Variants in FARS2 observed in about 807,000 individuals in gnomAD.
FARS2 encodes phenylalanine--tRNA ligase, mitochondrial.
Under a neutral mutation model 46.4 loss-of-function variants are expected in FARS2, and 40 were observed. The observed-to-expected ratio is 0.86, with a 90% CI of 0.67 to 1.12. The LOEUF (loss-of-function observed/expected upper bound fraction) is 1.12, where lower values mean the gene tolerates loss of function less well. Among genes scored for constraint, FARS2 ranks in the 50% most tolerant of loss-of-function variants. FARS2 has a pLI of 0.00. For synonymous variants in FARS2, 234 were observed against 214.9 expected (o/e 1.09, Z -0.78); for missense variants, 513 against 567.9 (o/e 0.90, Z 0.98).
At chr6:5,542,045 G>A (rs945503496) in intron 4 of FARS2, among the ~76,000 whole-genome samples, 1 of 152,198 alleles carries the variant, frequency 6.6e-6, no homozygotes, top group Non-Finnish European at 1.5e-5. Context: ...CAGCAATGAG[G>A]AGGACCACAG....
chr6:5,425,265 A>G (rs1385539646), intron 3 of FARS2, among the ~76,000 whole-genome samples: 1 of 152,192 alleles, frequency 6.6e-6, no homozygotes, highest in Non-Finnish European at 1.5e-5. Context: ...ATCTTTCAAA[A>G]TTTAGATTCT....
chr6:5,734,683 G>A (rs1760842810), intron 6 of FARS2, among the ~76,000 whole-genome samples: 1 of 152,086 alleles, frequency 6.6e-6, no homozygotes. Flanking sequence ...TTTGATATAG[G>A]CATTATATTA....
intron 6 of FARS2, among the ~76,000 whole-genome samples, chr6:5,723,956 C>G (rs2150924876): frequency 8.0e-6 from 1 of 125,486 alleles, no homozygotes; most frequent in East Asian, 2.1e-4. Flanking sequence ...GAGGAAACAC[C>G]CTGCAGAGCG....
At chr6:5,699,120 C>G (rs1758271126) in intron 6 of FARS2, among the ~76,000 whole-genome samples, 2 of 152,186 alleles carry the variant, frequency 1.3e-5, no homozygotes, top group Admixed American at 6.5e-5. Context: ...CAAGCCCACC[C>G]CATAGCAACA....
intron 2 of FARS2, among the ~76,000 whole-genome samples, chr6:5,389,442 C>T (rs1014758944): frequency 2.0e-5 from 3 of 152,138 alleles, no homozygotes; most frequent in Non-Finnish European, 4.4e-5. Flanking sequence ...TCTACTGAAA[C>T]GATTTTGTTT....
At chr6:5,462,445 T>A (rs1438984278) in intron 4 of FARS2, among the ~76,000 whole-genome samples, 1 of 152,212 alleles carries the variant, frequency 6.6e-6, no homozygotes, top group Admixed American at 6.5e-5. Context: ...GTGTTGTACC[T>A]AAGAACTATT....
intron 1 of FARS2, among the ~76,000 whole-genome samples, chr6:5,306,748 C>T (rs1768731941): frequency 6.6e-6 from 1 of 152,140 alleles, no homozygotes; most frequent in South Asian, 2.1e-4. Flanking sequence ...CTCTGCTTCT[C>T]TACTAAACTA....
At chr6:5,612,404 G>C (rs1053838844) in intron 5 of FARS2, among the ~76,000 whole-genome samples, 1 of 152,074 alleles carries the variant, frequency 6.6e-6, no homozygotes, top group African/African-American at 2.4e-5. Flanking sequence ...GTAACTTACA[G>C]ACCAAAACAT....
At chr6:5,479,940 T>G (rs1766353219) in intron 4 of FARS2, among the ~76,000 whole-genome samples, 1 of 152,230 alleles carries the variant, frequency 6.6e-6, no homozygotes, top group Admixed American at 6.5e-5. Context: ...GCAGGACCAT[T>G]GGAAGAGTTA....
At chr6:5,538,046 T>C (rs1770329948) in intron 4 of FARS2, among the ~76,000 whole-genome samples, 1 of 152,028 alleles carries the variant, frequency 6.6e-6, no homozygotes, top group South Asian at 2.1e-4. Context: ...GCCTAACTGC[T>C]TCCAATCCTG....
chr6:5,662,333 C>T (rs1777888997), intron 6 of FARS2, among the ~76,000 whole-genome samples: 1 of 152,174 alleles, frequency 6.6e-6, no homozygotes, highest in South Asian at 2.1e-4. Flanking sequence ...CAGGGACTTC[C>T]CCATGAATAG....
intron 5 of FARS2, among the ~76,000 whole-genome samples, chr6:5,599,046 A>G (rs1269821697): frequency 2.0e-5 from 3 of 152,204 alleles, no homozygotes; most frequent in African/African-American, 4.8e-5. Flanking sequence ...TAGAGTCCCT[A>G]TCAGAATGGG....
chr6:5,633,262 CTTTTTT>C (rs59797062), intron 6 of FARS2, among the ~76,000 whole-genome samples: 2 of 50,084 alleles, frequency 4.0e-5, no homozygotes, highest in Non-Finnish European at 7.3e-5. Context: ...CCATCCCTGG[CTTTTTT>C]TTTTTTTTTT....
chr6:5,677,405 C>T (rs1160630349), intron 6 of FARS2, among the ~76,000 whole-genome samples: 2 of 152,234 alleles, frequency 1.3e-5, no homozygotes, highest in Non-Finnish European at 2.9e-5. Context: ...CGCCCCTTCA[C>T]ACTGTAATAT....
At chr6:5,687,242 C>A (rs987319940) in intron 6 of FARS2, among the ~76,000 whole-genome samples, 13 of 152,174 alleles carry the variant, frequency 8.5e-5, no homozygotes, top group African/African-American at 2.9e-4. Context: ...GTTGCCATTG[C>A]TTTTGGTGTT....
chr6:5,432,327 A>AAT lies in FARS2; in HGVS notation c.904+1178_904+1179dup, dbSNP rs71530360. ...AACACTCAGTCTTAAAAAAAAAAAA[A>AAT]ATATATATATATATATATATATATT... On this transcript the variant is annotated intron_variant, in intron 4 of 6. Transcript: ENST00000274680. 2.4e-3 allele frequency among the ~76,000 whole-genome samples: 145 copies of AAT among 60,986 alleles called. 1 individual carries two copies. The highest frequency in any genetic ancestry group is 3.8e-3 in the East Asian group (9 of 2,386). The allele number at this position is 60,986 out of a possible 152,430, so 40.0% of individuals were successfully genotyped here.
chr6:5,518,871 T>C (rs565278121), intron 4 of FARS2, among the ~76,000 whole-genome samples: 1 of 152,302 alleles, frequency 6.6e-6, no homozygotes, highest in South Asian at 2.1e-4. Flanking sequence ...ATCTAAGAAT[T>C]TCTGAGGCAA....
chr6:5,272,745 A>G (rs1390264228), intron 1 of FARS2, among the ~76,000 whole-genome samples: 1 of 152,188 alleles, frequency 6.6e-6, no homozygotes, highest in Admixed American at 6.5e-5. Context: ...TCCATCAGAC[A>G]CTAAGTCTTA....
rs1465129398 is a variant in FARS2, at chr6:5,347,594, G to C, written c.-21-20956G>C. 2.0e-5 allele frequency among the ~76,000 whole-genome samples: 3 copies of C among 152,202 alleles called. No homozygotes were observed. In the East Asian group the frequency reaches 5.8e-4, roughly 29 times the overall value. ...TGGATATCTGGACTGCATCCATTTT[G>C]GGGCTGCTATGAATAAAGTTGCAGT... is the stretch of plus-strand genomic sequence containing the variant. On this transcript the variant is annotated intron_variant, in intron 1 of 6. Coordinates refer to ENST00000274680, the MANE Select transcript of FARS2 (RefSeq NM_006567.5).
Sources: gnomAD v4.1 joint callset for allele counts (sites outside exome capture counted in the v4.1 genomes callset) on GRCh38, gnomAD v4.1.1 for gene constraint, MANE v1.5 for transcripts, NCBI Gene and HGNC (gene_info 2026-07-23, HGNC 2026-07-21) for gene names.